SFMBT2: variants seen among roughly 807,000 people sequenced by gnomAD.
SFMBT2 encodes the protein Scm like with four mbt domains 2, also known as scm-like with four MBT domains protein 2.
Under a neutral mutation model 110.1 loss-of-function variants are expected in SFMBT2, and 38 were observed. The ratio of observed to expected loss-of-function variants is 0.35; its 90% CI spans 0.27 to 0.45. The LOEUF (loss-of-function observed/expected upper bound fraction) is 0.45, where lower values mean the gene tolerates loss of function less well. Among genes scored for constraint, SFMBT2 ranks in the 20% least tolerant of loss-of-function variants. SFMBT2 has a pLI of 1.00. For synonymous variants in SFMBT2, 425 were observed against 425.4 expected, an observed-to-expected ratio of 1.00 and a Z score of 0.01; for missense variants, 1,011 against 1,094.9, an observed-to-expected ratio of 0.92 and a Z score of 1.08.
chr10:7,205,308 T>C, intron 12 of SFMBT2: 2 of 653,776 alleles, frequency 3.1e-6, no homozygotes, highest in Non-Finnish European at 1.9e-6. Flanking sequence ...CCCAGGCTGG[T>C]CTCAAAATCC....
At chr10:7,361,005 T>G (rs1319267870) in intron 4 of SFMBT2, among the ~76,000 whole-genome samples, 1 of 152,230 alleles carries the variant, frequency 6.6e-6, no homozygotes, top group Non-Finnish European at 1.5e-5. Context: ...ATAAAATATC[T>G]AACTATGACT....
rs61836740 is a variant in SFMBT2, at chr10:7,172,220, G to A, written c.2152-62C>T. The A allele has an allele frequency of 5.1e-3, 7,730 of 1,503,292 alleles. 18 individuals are homozygous for A. Among genetic ancestry groups the A allele is most frequent in the Non-Finnish European group, 5.6e-3 (6,312 of 1,127,062 alleles). The allele number at this position is 1,503,292 out of a possible 1,614,324, so 93.1% of individuals were successfully genotyped here. A position where few individuals can be genotyped will look rare whatever the true frequency, so the allele number is the denominator to read the frequency against. On this transcript the variant is annotated intron_variant, in intron 18 of 20. Transcript: ENST00000397167. This position sits in a 1 kb window ranked among gnomAD's most constrained non-coding sequence, Gnocchi z 4.6. The stretch of plus-strand genomic sequence containing the variant: ...CCCGGGGGCCTGTAGCGGTGGCCCC[G>A]CGGTCAGACCCTGGGCCCAGTGCAG...
intron 13 of SFMBT2, 106 bp from the exon 14 acceptor site, chr10:7,200,590 A>G (rs1838921845): frequency 2.3e-6 from 2 of 863,452 alleles, no homozygotes; most frequent in Non-Finnish European, 3.4e-6. Context: ...GAAATCTCAG[A>G]TAAGAGGACC....
Position 7,163,734 on chromosome 10 carries a change from A to C in SFMBT2, c.*36T>G. The C allele has an allele frequency of 6.3e-7, 1 of 1,587,450 alleles. No individual in the cohort carries two copies. Among genetic ancestry groups the C allele is most frequent in the Non-Finnish European group, 8.6e-7 (1 of 1,157,824 alleles). On this transcript the variant is annotated 3_prime_UTR_variant, in exon 21 of 21. Coordinates refer to ENST00000397167, the MANE Select transcript of SFMBT2 (RefSeq NM_001387889.1). The surrounding 1 kb of genome is among the most constrained non-coding windows in gnomAD (Gnocchi z 4.8). ...TCCTGGAAACCTTTACCAACACCGC[A>C]TCCCAGCAATAATGGGCCACCTCCC...
chr10:7,183,994 C>T (rs1243545674), intron 16 of SFMBT2, among the ~76,000 whole-genome samples: 1 of 152,186 alleles, frequency 6.6e-6, no homozygotes, highest in African/African-American at 2.4e-5. Context: ...TTCAGGCTCC[C>T]AGTCTCTGAA....
chr10:7,326,660 G>A (rs1317997313), intron 4 of SFMBT2, among the ~76,000 whole-genome samples: 1 of 152,094 alleles, frequency 6.6e-6, no homozygotes, highest in African/African-American at 2.4e-5. Flanking sequence ...ACAGACTATC[G>A]AGTTACCCTT....
At chr10:7,383,243 C>T (rs556182498) in intron 1 of SFMBT2, among the ~76,000 whole-genome samples, 13 of 152,264 alleles carry the variant, frequency 8.5e-5, no homozygotes, top group African/African-American at 3.1e-4. Context: ...CCTACCTGCA[C>T]CTGTCATCCC....
chr10:7,179,253 T>G lies in SFMBT2; in HGVS notation c.1809-3088A>C, dbSNP rs1188531019. ...GTAGATAAGATCATGCTTTAAATCCTACAGCCTTGAATGGCTGTTGGTTTT... is the reference window on the plus strand; with the variant it reads ...GTAGATAAGATCATGCTTTAAATCCGACAGCCTTGAATGGCTGTTGGTTTT... On this transcript the variant is annotated intron_variant, in intron 16 of 20. Transcript: ENST00000397167. Among the ~76,000 whole-genome samples, 4 of 152,196 alleles carry G rather than the reference T, an allele frequency of 2.6e-5. No homozygotes were observed. In the East Asian group the frequency reaches 7.7e-4, roughly 29 times the overall value.
At chr10:7,394,065 C>T (rs868056470) in intron 1 of SFMBT2, among the ~76,000 whole-genome samples, 1 of 151,966 alleles carries the variant, frequency 6.6e-6, no homozygotes, top group Non-Finnish European at 1.5e-5. Context: ...TGCAGTGCTT[C>T]GATCTCGGCT....
chr10:7,284,254 G>A, intron 5 of SFMBT2, 104 bp from the exon 6 acceptor site: 2 of 1,523,938 alleles, frequency 1.3e-6, no homozygotes, highest in Non-Finnish European at 1.8e-6. Flanking sequence ...ATCATCCAAG[G>A]TACTGGCGAA....
At chr10:7,224,532 A>G (rs527341294) in intron 10 of SFMBT2, among the ~76,000 whole-genome samples, 2 of 152,248 alleles carry the variant, frequency 1.3e-5, no homozygotes, top group East Asian at 1.9e-4. Flanking sequence ...CCCTCAAGCT[A>G]AAAGTCTGAA....
intron 11 of SFMBT2, among the ~76,000 whole-genome samples, chr10:7,208,723 G>A (rs1348113343): frequency 6.6e-6 from 1 of 151,488 alleles, no homozygotes; most frequent in African/African-American, 2.4e-5. Flanking sequence ...GTAACTTTAT[G>A]GCTTATTCCT....
In SFMBT2 at chr10:7,177,077, C is replaced by G. The variant is rs80217685; in HGVS notation, c.1809-912G>C. Among the ~76,000 whole-genome samples the G allele has an allele frequency of 4.3e-3, 654 of 152,194 alleles. 2 individuals carry two copies. Among genetic ancestry groups the G allele is most frequent in the Non-Finnish European group, 5.8e-3 (397 of 68,012 alleles). On this transcript the variant is annotated intron_variant, in intron 16 of 20. Coordinates refer to ENST00000397167, the MANE Select transcript of SFMBT2 (RefSeq NM_001387889.1). ...AACTTGCTTCCACCTGCTCTCCAGTCCCCCCAGCAACCCCCTCCATGGCTT... is the reference window on the plus strand; with the variant it reads ...AACTTGCTTCCACCTGCTCTCCAGTGCCCCCAGCAACCCCCTCCATGGCTT...
At chr10:7,199,348 CCT>C (rs1564379080) in intron 14 of SFMBT2, among the ~76,000 whole-genome samples, 1 of 152,128 alleles carries the variant, frequency 6.6e-6, no homozygotes, top group Non-Finnish European at 1.5e-5. Flanking sequence ...CCGCCCCCAC[CCT>C]GACTCTACCC....
At chr10:7,369,941 T>A (rs1264605021) in intron 3 of SFMBT2, among the ~76,000 whole-genome samples, 2 of 152,070 alleles carry the variant, frequency 1.3e-5, no homozygotes. Context: ...CTCACTGCAA[T>A]CTCCACCTCC....
intron 1 of SFMBT2, among the ~76,000 whole-genome samples, chr10:7,404,673 T>G (rs915291834): frequency 2.6e-5 from 4 of 152,250 alleles, no homozygotes; most frequent in African/African-American, 9.6e-5. Flanking sequence ...CTTTAATCAA[T>G]GTCAAAGACA....
intron 9 of SFMBT2, among the ~76,000 whole-genome samples, chr10:7,237,095 G>C (rs1258129860): frequency 6.6e-6 from 1 of 152,192 alleles, no homozygotes; most frequent in Non-Finnish European, 1.5e-5. Context: ...CACAAAATGG[G>C]AATGCTCAAA....
intron 2 of SFMBT2, among the ~76,000 whole-genome samples, chr10:7,371,126 T>G (rs1845052926): frequency 2.0e-5 from 3 of 152,202 alleles, no homozygotes; most frequent in Non-Finnish European, 4.4e-5. Context: ...TTTTGTTTTT[T>G]GTTTTGTTTT....
At chr10:7,332,895 C>A (rs1233036972) in intron 4 of SFMBT2, among the ~76,000 whole-genome samples, 1 of 152,204 alleles carries the variant, frequency 6.6e-6, no homozygotes, top group East Asian at 1.9e-4. Context: ...GAGACGGACT[C>A]TTGCTCTGTT....
Sources: gnomAD v4.1 joint callset for allele counts (sites outside exome capture counted in the v4.1 genomes callset) on GRCh38, gnomAD v4.1.1 for gene constraint, Gnocchi (gnomAD v3.1) non-coding constraint, MANE v1.5 for transcripts, NCBI Gene and HGNC (gene_info 2026-07-23, HGNC 2026-07-21) for gene names.